The following ESS2 variants were observed in gnomAD, a reference collection of about 807,000 sequenced individuals.
The protein encoded by ESS2 is ess-2 spliceosome associated protein, also known as splicing factor ESS-2 homolog.
In ESS2, 31 loss-of-function variants were observed where a neutral mutation model predicts 52.0. That is an observed-to-expected ratio of 0.60 (90% confidence interval 0.45 to 0.81). The LOEUF is 0.81. Among genes scored for constraint, ESS2 ranks in the 30% least tolerant of loss-of-function variants. ESS2 has a pLI of 0.00. For missense variants in ESS2, 602 were observed against 637.2 expected (o/e 0.94, Z 0.59); for synonymous variants, 285 against 259.2 (o/e 1.10, Z -0.95).
chr22:19,139,052 C>T, intron 6 of ESS2, 107 bp downstream of exon 6: 1 of 1,422,104 alleles, frequency 7.0e-7, no homozygotes, highest in Non-Finnish European at 9.3e-7. Flanking sequence ...CCAGATGGTT[C>T]CACTCACTGA....
At chr22:19,142,998 A>G in intron 1 of ESS2, 104 bp from the exon 2 acceptor site, 1 of 1,141,872 alleles carries the variant, frequency 8.8e-7, no homozygotes, top group East Asian at 2.4e-5. Context: ...TGAGGTCAGA[A>G]GTTCAAGACC....
At position 19,144,629 on chromosome 22, in the gene ESS2, C is replaced by G. The variant is rs1373490878; in HGVS notation, c.12G>C (p.Pro4=). The change falls in exon 1 of 10, where the codon CCG becomes CCC. Residue 4 remains proline (P), a synonymous_variant. Coordinates refer to ENST00000252137, the MANE Select transcript of ESS2 (RefSeq NM_022719.3). ...GCAACAAGGACGACGCTGATGCGCC[C>G]GGCGTCTCCATCGCTATCCCAGGAA... is the stretch of plus-strand genomic sequence containing the variant. MET[P]GASASSLLLP... The G allele has an allele frequency of 1.8e-5, 28 of 1,529,112 alleles. No individual in the cohort carries two copies. The highest frequency in any genetic ancestry group is 1.8e-4 in the Middle Eastern group (1 of 5,632). The allele number at this position is 1,529,112 out of a possible 1,614,324, so 94.7% of individuals were successfully genotyped here.
rs776077837 is a variant in ESS2, at chr22:19,135,151, G to A, written c.1060C>T (p.Arg354Trp). Residue 354 changes from arginine to tryptophan, a missense_variant, in exon 9 of 10, where the codon CGG becomes TGG. Arg to Trp is a moderately radical substitution (Grantham distance 101). Coordinates refer to ENST00000252137, the MANE Select transcript of ESS2 (RefSeq NM_022719.3). Reference protein sequence around the residue: ...FKILEPGRRERLGLKMANEAA... With the variant: ...FKILEPGRREWLGLKMANEAA... ...TCGTTGGCCATCTTCAGACCCAGCC[G>A]CTCCCTGCGGCCTGGCTCCAGGATC... 10 of 1,613,626 alleles carry A rather than the reference G, an allele frequency of 6.2e-6. No individual in the cohort carries two copies. Among genetic ancestry groups the A allele is most frequent in the South Asian group, 5.5e-5 (5 of 91,028 alleles).
Position 19,130,689 on chromosome 22 carries a change from C to A in ESS2, c.*3507G>T. ...GGTCCTGGCACTAGGAATGTAAAAC[C>A]GTTCCTATTATTTTGGCTTGCTCCA... On this transcript the variant is annotated 3_prime_UTR_variant, in exon 10 of 10. Transcript: ENST00000252137. 4.7e-6 allele frequency: 1 copy of A among 213,936 alleles called. No individual in the cohort carries two copies. The highest frequency in any genetic ancestry group is 6.4e-5 in the South Asian group (1 of 15,716). The allele number at this position is 213,936 out of a possible 1,614,324, so 13.3% of individuals were successfully genotyped here.
chr22:19,131,290 G>C lies in ESS2; in HGVS notation c.*2906C>G. ...TGTTCCACCCCTGAGTCGAAGCCCA[G>C]CCCAGGGCAGCCCAGCCAGACGCCT... On this transcript the variant is annotated 3_prime_UTR_variant, in exon 10 of 10. Coordinates refer to ENST00000252137, the MANE Select transcript of ESS2 (RefSeq NM_022719.3). This position sits in a 1 kb window ranked among gnomAD's most constrained non-coding sequence, Gnocchi z 5.7. 3 of 956,370 alleles carry C rather than the reference G, an allele frequency of 3.1e-6. No homozygotes were observed. Among genetic ancestry groups the C allele is most frequent in the Non-Finnish European group, 3.2e-6 (2 of 629,416 alleles). The allele number at this position is 956,370 out of a possible 1,614,324, so 59.2% of individuals were successfully genotyped here.
chr22:19,141,169 T>C (rs538357421), intron 3 of ESS2, among the ~76,000 whole-genome samples: 43 of 150,502 alleles, frequency 2.9e-4, no homozygotes, highest in African/African-American at 1.0e-3. Flanking sequence ...TGCCCTGTGA[T>C]GCACAAGCTA....
In ESS2 at chr22:19,133,236, C is replaced by T. The variant is rs553355845; in HGVS notation, c.*960G>A. On this transcript the variant is annotated 3_prime_UTR_variant, in exon 10 of 10. Transcript: ENST00000252137. ...CCCATTGCTCCCAAAGCATGCGGCC[C>T]ACTTGCTGGCCAAGTGCTCCAGGTG... 6.6e-6 allele frequency: 1 copy of T among 152,464 alleles called. No homozygotes were observed. Among genetic ancestry groups the T allele is most frequent in the East Asian group, 1.9e-4 (1 of 5,184 alleles). The allele number at this position is 152,464 out of a possible 1,614,324, so 9.4% of individuals were successfully genotyped here. A position where few individuals can be genotyped will look rare whatever the true frequency, so the allele number is the denominator to read the frequency against.
chr22:19,144,643 C>G lies in ESS2; in HGVS notation c.-3G>C. 2.0e-6 allele frequency: 3 copies of G among 1,506,804 alleles called. No individual in the cohort carries two copies. The highest frequency in any genetic ancestry group is 2.7e-6 in the Non-Finnish European group (3 of 1,121,776). The allele number at this position is 1,506,804 out of a possible 1,614,324, so 93.3% of individuals were successfully genotyped here. ...GCTGATGCGCCCGGCGTCTCCATCG[C>G]TATCCCAGGAAAAAGCTCGGGCCCA... On this transcript the variant is annotated 5_prime_UTR_variant, in exon 1 of 10. Transcript: ENST00000252137.
At chr22:19,139,048 G>A in intron 6 of ESS2, 111 bp downstream of exon 6, 1 of 1,398,032 alleles carries the variant, frequency 7.2e-7, no homozygotes, top group African/African-American at 1.4e-5. Flanking sequence ...GGCCCCAGAT[G>A]GTTCCACTCA....
At position 19,138,315 on chromosome 22, in the gene ESS2, G is replaced by A. The variant is rs775635438; in HGVS notation, c.825C>T (p.His275=). ...LQQAAALNAQ[H]KQGKVGPDGK... ...CATCGGGGCCCACCTTGCCCTGTTT[G>A]TGCTGGAACAAGCAGAGAGGCTGGC... is the stretch of plus-strand genomic sequence containing the variant. Residue 275 remains histidine (H), a splice_region_variant and synonymous_variant, in exon 7 of 10, where the codon CAC becomes CAT. Coordinates refer to ENST00000252137, the MANE Select transcript of ESS2 (RefSeq NM_022719.3). 2.5e-6 allele frequency: 4 copies of A among 1,613,818 alleles called. No homozygotes were observed. The highest frequency in any genetic ancestry group is 3.4e-6 in the Non-Finnish European group (4 of 1,179,864).
rs2083753073 is a variant in ESS2, at chr22:19,144,601, G to A, written c.40C>T (p.Pro14Ser). ...PGASASSLLL[P>S]AASRPPRKRE... is the part of the protein sequence containing the mutation. ...TTCCTCGGGGGCCTGGACGCGGCGG[G>A]AAGCAACAAGGACGACGCTGATGCG... The change falls in exon 1 of 10, where the codon CCC (proline) becomes TCC (serine). Residue 14 changes from proline (P) to serine (S), a missense_variant. Coordinates refer to ENST00000252137, the MANE Select transcript of ESS2 (RefSeq NM_022719.3). 1.3e-6 allele frequency: 2 copies of A among 1,594,894 alleles called. No homozygotes were observed. Among genetic ancestry groups the A allele is most frequent in the South Asian group, 1.1e-5 (1 of 89,894 alleles).
intron 1 of ESS2, among the ~76,000 whole-genome samples, chr22:19,143,647 G>A (rs1054902492): frequency 6.6e-6 from 1 of 152,084 alleles, no homozygotes; most frequent in East Asian, 1.9e-4. Flanking sequence ...CCTGAGGTCA[G>A]GAGTTCGAGA....
rs1467205857 is a variant in ESS2, at chr22:19,132,483, A to G, written c.*1713T>C. The G allele has an allele frequency of 6.2e-7, 1 of 1,601,544 alleles. No individual in the cohort carries two copies. The highest frequency in any genetic ancestry group is 2.2e-5 in the East Asian group (1 of 44,716). On this transcript the variant is annotated 3_prime_UTR_variant, in exon 10 of 10. Coordinates refer to ENST00000252137, the MANE Select transcript of ESS2 (RefSeq NM_022719.3). This position sits in a 1 kb window ranked among gnomAD's most constrained non-coding sequence, Gnocchi z 4.2. ...GGGGAAAGCAAGCACCTAGCATGAC[A>G]ATGGCCCCGTTGTGTGTGGTGGGGG...
At chr22:19,141,719 G>A (rs901069180) in intron 3 of ESS2, among the ~76,000 whole-genome samples, 1 of 152,220 alleles carries the variant, frequency 6.6e-6, no homozygotes, top group African/African-American at 2.4e-5. Context: ...CAGGCGCGGT[G>A]GCTCACACCT....
chr22:19,139,821 T>G (rs1432147421), intron 4 of ESS2, 34 bp downstream of exon 4: 1 of 1,613,752 alleles, frequency 6.2e-7, no homozygotes, highest in East Asian at 2.2e-5. Flanking sequence ...AGAGGGTGCC[T>G]ACGCCTATGT....
intron 1 of ESS2, 198 bp downstream of exon 1, chr22:19,144,308 C>T (rs1188922975): frequency 4.4e-6 from 6 of 1,354,316 alleles, no homozygotes; most frequent in Non-Finnish European, 5.7e-6. Flanking sequence ...TCTCTCTTTT[C>T]CCTGACAACA....
rs1358534199 is a variant in ESS2, at chr22:19,139,986, TG to T, written c.438del (p.Ser147AlafsTer2). Reference sequence around the variant, plus strand: ...TAGCGGCTCAGGAAGACATCTAGGCTGGGCAGCGGCTCCTTCTCCTCCTCCT... The same window carrying T: ...TAGCGGCTCAGGAAGACATCTAGGCTGGCAGCGGCTCCTTCTCCTCCTCCT... ...AGEEEEKEPLPSLDVFLSRYT... is the reference protein window; with the variant it reads ...AGEEEEKEPLXSLDVFLSRYT... On this transcript the variant is annotated frameshift_variant, in exon 4 of 10. Transcript: ENST00000252137. LOFTEE classifies it high-confidence loss of function. The T allele has an allele frequency of 6.2e-7, 1 of 1,613,962 alleles. No individual in the cohort carries two copies. Among genetic ancestry groups the T allele is most frequent in the East Asian group, 2.2e-5 (1 of 44,872 alleles).
In ESS2 at chr22:19,139,630, G is replaced by C. The variant is rs1187751346; in HGVS notation, c.670C>G (p.Leu224Val). 2 of 1,614,000 alleles carry C rather than the reference G, an allele frequency of 1.2e-6. No homozygotes were observed. The highest frequency in any genetic ancestry group is 1.7e-6 in the Non-Finnish European group (2 of 1,179,998). ...ETWKYKAKNS[L>V]MYYPEGVPDE... The stretch of plus-strand genomic sequence containing the variant: ...CACTTACCCTCTGGATAGTACATGA[G>C]GGAATTCTTGGCCTTGTACTTCCAG... The change falls in exon 5 of 10, where the codon CTC (leucine) becomes GTC (valine). Residue 224 changes from leucine to valine, a missense_variant. Physicochemically the swap from Leu to Val is conservative, Grantham distance 32. Coordinates refer to ENST00000252137, the MANE Select transcript of ESS2 (RefSeq NM_022719.3).
chr22:19,136,609 C>T (rs2083586507), intron 8 of ESS2, among the ~76,000 whole-genome samples: 1 of 152,110 alleles, frequency 6.6e-6, no homozygotes, highest in African/African-American at 2.4e-5. Context: ...CCTGGAGACT[C>T]GGGAAGCAGT....
Sources: allele counts gnomAD v4.1 joint callset (sites outside exome capture counted in the v4.1 genomes callset), GRCh38; gene constraint gnomAD v4.1.1; non-coding constraint Gnocchi (gnomAD v3.1); transcripts MANE v1.5; gene names NCBI Gene and HGNC (gene_info 2026-07-23, HGNC 2026-07-21).